The following TAFA2 variants were observed in gnomAD, a reference collection of about 807,000 sequenced individuals.
TAFA2 encodes TAFA chemokine like family member 2, also known as chemokine-like protein TAFA-2.
TAFA2 carries 7 observed loss-of-function variants against 18.8 expected under a neutral mutation model. The ratio of observed to expected loss-of-function variants is 0.37; its 90% confidence interval spans 0.21 to 0.70. The LOEUF is 0.70. Ranked by LOEUF, TAFA2 falls within the 30% of genes least tolerant of loss-of-function variation. The pLI is 0.53. For missense variants in TAFA2, 122 were observed against 158.1 expected, an observed-to-expected ratio of 0.77 and a Z score of 1.23; for synonymous variants, 60 against 54.2, an observed-to-expected ratio of 1.11 and a Z score of -0.47.
intron 1 of TAFA2, among the ~76,000 whole-genome samples, chr12:61,900,006 G>A (rs79502253): frequency 0.022 from 3,383 of 152,218 alleles, 115 homozygotes; most frequent in South Asian, 0.16. Flanking sequence ...ACTGTATTTC[G>A]AAGCTGGGTT....
chr12:61,721,820 G>T (rs1197444782), intron 4 of TAFA2, among the ~76,000 whole-genome samples: 1 of 152,034 alleles, frequency 6.6e-6, no homozygotes, highest in Non-Finnish European at 1.5e-5. Context: ...AGCTGGGGGT[G>T]GTGGCGGTTG....
At chr12:61,719,819 AC>A (rs2120587298) in intron 4 of TAFA2, among the ~76,000 whole-genome samples, 1 of 152,324 alleles carries the variant, frequency 6.6e-6, no homozygotes, top group African/African-American at 2.4e-5. Context: ...CAAAAGCAGT[AC>A]CAGAAGTTTG....
chr12:62,222,500 T>TTTA (rs529565040), intron 1 of TAFA2, among the ~76,000 whole-genome samples: 267 of 151,298 alleles, frequency 1.8e-3, no homozygotes, highest in South Asian at 5.2e-3. Flanking sequence ...AAGGATATTA[T>TTTA]TTATTATTAT....
At chr12:61,900,836 T>C (rs1251518838) in intron 1 of TAFA2, among the ~76,000 whole-genome samples, 1 of 152,244 alleles carries the variant, frequency 6.6e-6, no homozygotes, top group Non-Finnish European at 1.5e-5. Context: ...TGAAGATTAA[T>C]GTTTGTTTTT....
intron 1 of TAFA2, among the ~76,000 whole-genome samples, chr12:61,873,949 G>A (rs376498042): frequency 6.6e-6 from 1 of 152,086 alleles, no homozygotes; most frequent in East Asian, 1.9e-4. Flanking sequence ...AACAAATTAG[G>A]AGATAATAAT....
chr12:62,046,100 T>A (rs1010510811), intron 1 of TAFA2, among the ~76,000 whole-genome samples: 1 of 152,150 alleles, frequency 6.6e-6, no homozygotes, highest in East Asian at 1.9e-4. Flanking sequence ...CCCATGGCCA[T>A]AATGATGGAT....
chr12:62,212,259 A>C (rs1429744728), intron 1 of TAFA2, among the ~76,000 whole-genome samples: 2 of 152,208 alleles, frequency 1.3e-5, no homozygotes, highest in Non-Finnish European at 2.9e-5. Flanking sequence ...AAAATATCCC[A>C]GACCCAAAAC....
intron 1 of TAFA2, among the ~76,000 whole-genome samples, chr12:62,231,114 G>A (rs954490951): frequency 1.3e-5 from 2 of 152,178 alleles, no homozygotes; most frequent in African/African-American, 4.8e-5. Context: ...TGGTCTGGAT[G>A]ATCTATTACT....
intron 1 of TAFA2, among the ~76,000 whole-genome samples, chr12:62,243,194 TAC>T (rs1338033073): frequency 6.6e-6 from 1 of 152,194 alleles, no homozygotes; most frequent in Non-Finnish European, 1.5e-5. Flanking sequence ...AGTTTCTCAT[TAC>T]ATATTTTTAT....
chr12:62,248,781 A>G (rs1046119973), intron 1 of TAFA2, among the ~76,000 whole-genome samples: 1 of 152,188 alleles, frequency 6.6e-6, no homozygotes, highest in Non-Finnish European at 1.5e-5. Flanking sequence ...AATAAAATTT[A>G]CTAACTTAAA....
chr12:62,223,677 G>A lies in TAFA2; in HGVS notation c.-130+35086C>T, dbSNP rs147795837. Among the ~76,000 whole-genome samples, 230 of 152,236 alleles carry A rather than the reference G, an allele frequency of 1.5e-3. 1 individual carries two copies. Among genetic ancestry groups the A allele is most frequent in the African/African-American group, 5.3e-3 (222 of 41,538 alleles). ...AAGAGCTAAAACTACAAAATTTGTA[G>A]TGGAAAAAAAGGGAAACATTTCATG... On this transcript the variant is annotated intron_variant, in intron 1 of 5. Coordinates refer to the TAFA2 transcript ENST00000551619.
chr12:61,757,627 GA>G (rs1869337192), intron 2 of TAFA2, among the ~76,000 whole-genome samples: 1 of 151,680 alleles, frequency 6.6e-6, no homozygotes, highest in South Asian at 2.1e-4. Context: ...AGAAAAAGAA[GA>G]AAAAAGAACA....
chr12:62,029,074 G>A (rs989798222), intron 1 of TAFA2, among the ~76,000 whole-genome samples: 3 of 151,956 alleles, frequency 2.0e-5, no homozygotes, highest in Admixed American at 6.6e-5. Context: ...TACTAAAAAC[G>A]GAAAATGTCC....
chr12:61,987,841 A>G (rs1006963178), intron 1 of TAFA2, among the ~76,000 whole-genome samples: 3 of 152,212 alleles, frequency 2.0e-5, no homozygotes, highest in African/African-American at 7.2e-5. Context: ...CAAGGGGAAA[A>G]TCTACTGTTC....
upstream of TAFA2, among the ~76,000 whole-genome samples, chr12:62,197,237 G>T (rs1448842934): frequency 1.3e-5 from 2 of 152,204 alleles, no homozygotes; most frequent in East Asian, 3.9e-4. Flanking sequence ...AAAGGTTGGG[G>T]ACTGCTGCAA....
chr12:61,800,647 A>G (rs1166322162), intron 2 of TAFA2, among the ~76,000 whole-genome samples: 3 of 152,190 alleles, frequency 2.0e-5, no homozygotes, highest in Non-Finnish European at 4.4e-5. Flanking sequence ...AAGGAGCAAA[A>G]GCAGCAAAAA....
intron 1 of TAFA2, among the ~76,000 whole-genome samples, chr12:61,892,109 T>C (rs1478725922): frequency 6.6e-6 from 1 of 151,660 alleles, no homozygotes; most frequent in Non-Finnish European, 1.5e-5. Context: ...GGAAGAAAAG[T>C]ACACATATGT....
intron 1 of TAFA2, among the ~76,000 whole-genome samples, chr12:62,068,145 C>T (rs190454736): frequency 3.3e-5 from 5 of 152,124 alleles, no homozygotes; most frequent in East Asian, 1.9e-4. Flanking sequence ...TTACCTTCCT[C>T]ACTTTGAAAA....
At chr12:61,775,942 A>G (rs1363088636) in intron 2 of TAFA2, 1 of 220,388 alleles carries the variant, frequency 4.5e-6, no homozygotes, top group Non-Finnish European at 9.4e-6. Context: ...ACCAATGGAA[A>G]GAGGAGAGAC....
Sources: allele counts gnomAD v4.1 joint callset (sites outside exome capture counted in the v4.1 genomes callset), GRCh38; gene constraint gnomAD v4.1.1; transcripts MANE v1.5; gene names NCBI Gene and HGNC (gene_info 2026-07-23, HGNC 2026-07-21).